The following CYFIP2 variants were observed in gnomAD, a reference collection of about 807,000 sequenced individuals.
CYFIP2 encodes the protein cytoplasmic FMR1 interacting protein 2, also known as cytoplasmic FMR1-interacting protein 2.
CYFIP2 carries 29 observed loss-of-function variants against 158.7 expected under a neutral mutation model. That is an observed-to-expected ratio of 0.18 (90% CI 0.14 to 0.25). The LOEUF is 0.25. Among genes scored for constraint, CYFIP2 ranks in the 10% least tolerant of loss-of-function variants. CYFIP2 has a pLI of 1.00. For missense variants in CYFIP2, 852 were observed against 1,639.5 expected, an observed-to-expected ratio of 0.52 and a Z score of 8.29; for synonymous variants, 585 against 617.6, an observed-to-expected ratio of 0.95 and a Z score of 0.78.
At chr5:157,313,001 T>C (rs1759865549) in intron 11 of CYFIP2, among the ~76,000 whole-genome samples, 1 of 152,240 alleles carries the variant, frequency 6.6e-6, no homozygotes, top group Admixed American at 6.5e-5. Context: ...CATCAGCCGC[T>C]GCACCCAGCC....
At chr5:157,367,772 T>TTTTA (rs748476018) in intron 26 of CYFIP2, among the ~76,000 whole-genome samples, 1 of 148,834 alleles carries the variant, frequency 6.7e-6, no homozygotes, top group Non-Finnish European at 1.5e-5. Context: ...TTTTTTTTTT[T>TTTTA]AAGACAGAGT....
intron 15 of CYFIP2, chr5:157,323,032 G>A: frequency 1.3e-6 from 2 of 1,535,974 alleles, no homozygotes; most frequent in Non-Finnish European, 1.7e-6. Flanking sequence ...ACACCGCCTG[G>A]CTGGGTTGGT....
intron 19 of CYFIP2, among the ~76,000 whole-genome samples, chr5:157,328,350 A>ATTC (rs1176937740): frequency 6.6e-6 from 1 of 152,166 alleles, no homozygotes; most frequent in African/African-American, 2.4e-5. Context: ...CGATGGTTAA[A>ATTC]CCTTTGGGGG....
intron 28 of CYFIP2, among the ~76,000 whole-genome samples, chr5:157,386,395 A>C (rs145193854): frequency 3.3e-5 from 5 of 149,372 alleles, no homozygotes; most frequent in African/African-American, 1.2e-4. Flanking sequence ...TTTTTTTTTT[A>C]TTTTTATAGA....
chr5:157,271,938 A>G (rs1416299506), intron 1 of CYFIP2, among the ~76,000 whole-genome samples: 3 of 152,078 alleles, frequency 2.0e-5, no homozygotes, highest in African/African-American at 7.2e-5. Context: ...TGTTCCTCAT[A>G]TGACAGCCCC....
At position 157,390,512 on chromosome 5, in the gene CYFIP2, T is replaced by TG. The variant is rs766070455; in HGVS notation, c.3447-8dup. The TG allele has an allele frequency of 3.1e-6, 4 of 1,298,242 alleles. No homozygotes were observed. In the South Asian group the frequency reaches 3.7e-5, roughly 12 times the overall value. The allele number at this position is 1,298,242 out of a possible 1,614,324, so 80.4% of individuals were successfully genotyped here. On this transcript the variant is annotated splice_polypyrimidine_tract_variant and intron_variant, in intron 29 of 30. Coordinates refer to ENST00000620254, the MANE Select transcript of CYFIP2 (RefSeq NM_001037333.3). ...TCTCACTCCAGCTGCTTCCTCCCCC[T>TG]GCTCCCAGGCAGTGTTTCGGCGATG...
intron 23 of CYFIP2, among the ~76,000 whole-genome samples, chr5:157,350,890 A>G (rs1249812034): frequency 1.3e-5 from 2 of 152,014 alleles, no homozygotes; most frequent in African/African-American, 2.4e-5. Flanking sequence ...TTTTGCAGCT[A>G]TTGTGAAAGG....
intron 15 of CYFIP2, among the ~76,000 whole-genome samples, chr5:157,321,862 C>T (rs1287565415): frequency 6.6e-6 from 1 of 152,218 alleles, no homozygotes; most frequent in Non-Finnish European, 1.5e-5. Flanking sequence ...AAGGAAGCGT[C>T]TGCAAACAGT....
chr5:157,276,420 G>A (rs945022298), intron 1 of CYFIP2, among the ~76,000 whole-genome samples: 10 of 152,088 alleles, frequency 6.6e-5, no homozygotes, highest in African/African-American at 9.7e-5. Context: ...AGCTTATTAC[G>A]TTAATTGATA....
chr5:157,291,555 G>A (rs903266975), intron 3 of CYFIP2, among the ~76,000 whole-genome samples: 2 of 152,184 alleles, frequency 1.3e-5, no homozygotes, highest in Non-Finnish European at 2.9e-5. Flanking sequence ...AACACCCGTC[G>A]GCAGGCAGGT....
chr5:157,340,556 G>A (rs1762175530), intron 22 of CYFIP2, among the ~76,000 whole-genome samples: 1 of 152,216 alleles, frequency 6.6e-6, no homozygotes, highest in South Asian at 2.1e-4. Context: ...TTGGTGACAA[G>A]TGAAAATGAT....
intron 23 of CYFIP2, chr5:157,342,007 C>T (rs1017749528): frequency 6.6e-6 from 1 of 152,578 alleles, no homozygotes; most frequent in African/African-American, 2.4e-5. Flanking sequence ...AAACCTTATG[C>T]TATATCAAGG....
rs1201773143 is a variant in CYFIP2 at position 157,285,343 on chromosome 5, G to T, written c.-19G>T. On this transcript the variant is annotated 5_prime_UTR_variant, in exon 2 of 31. Coordinates refer to ENST00000620254, the MANE Select transcript of CYFIP2 (RefSeq NM_001037333.3). ...CCTTCTCTTCCTTCCCTTCAGTGCAGAATACAGAAACTGCAGCCATGACCA... is the reference window on the plus strand; with the variant it reads ...CCTTCTCTTCCTTCCCTTCAGTGCATAATACAGAAACTGCAGCCATGACCA... 5.8e-6 allele frequency: 9 copies of T among 1,552,274 alleles called. No homozygotes were observed. The Admixed American group carries it at 1.8e-4, about 30-fold the overall frequency.
intron 26 of CYFIP2, among the ~76,000 whole-genome samples, chr5:157,379,390 GAC>G (rs1201579330): frequency 2.6e-5 from 4 of 151,778 alleles, no homozygotes; most frequent in Non-Finnish European, 5.9e-5. Context: ...TTCCTTAAGA[GAC>G]ACAAACCGCC....
At chr5:157,358,717 G>A (rs2113351001) in intron 23 of CYFIP2, among the ~76,000 whole-genome samples, 1 of 152,254 alleles carries the variant, frequency 6.6e-6, no homozygotes, top group South Asian at 2.1e-4. Context: ...GTTTGGGTGT[G>A]GAACGTCATG....
At chr5:157,293,484 G>A (rs1757999680) in intron 3 of CYFIP2, among the ~76,000 whole-genome samples, 1 of 152,028 alleles carries the variant, frequency 6.6e-6, no homozygotes, top group Admixed American at 6.6e-5. Context: ...CATCTGCTCT[G>A]CTTATTATTA....
Position 157,356,102 on chromosome 5 carries a change from T to C in CYFIP2, c.2674-2903T>C, listed in dbSNP as rs141079369. 1.6e-4 allele frequency among the ~76,000 whole-genome samples: 24 copies of C among 152,342 alleles called. No homozygotes were observed. In the East Asian group the frequency reaches 3.9e-3, roughly 24 times the overall value. ...TCAGCCTGCTATAACAAGAATACCATAAGCTGAGTGACTTGAATAACAAAC... is the reference window on the plus strand; with the variant it reads ...TCAGCCTGCTATAACAAGAATACCACAAGCTGAGTGACTTGAATAACAAAC... On this transcript the variant is annotated intron_variant, in intron 23 of 30. Coordinates refer to ENST00000620254, the MANE Select transcript of CYFIP2 (RefSeq NM_001037333.3).
chr5:157,315,198 C>CGTGCTCTTCCCTG, intron 13 of CYFIP2, 104 bp downstream of exon 13: 1 of 1,465,650 alleles, frequency 6.8e-7, no homozygotes, highest in Non-Finnish European at 9.1e-7. Context: ...CCCTAATTTT[C>CGTGCTCTTCCCTG]GTGCTCTTCC....
At chr5:157,310,366 G>A (rs2113027731) in intron 10 of CYFIP2, among the ~76,000 whole-genome samples, 1 of 152,310 alleles carries the variant, frequency 6.6e-6, no homozygotes, top group African/African-American at 2.4e-5. Context: ...TGGTCTCTGA[G>A]GCTGTTAGGG....
Sources: gnomAD v4.1 joint callset for allele counts (sites outside exome capture counted in the v4.1 genomes callset) on GRCh38, gnomAD v4.1.1 for gene constraint, MANE v1.5 for transcripts, NCBI Gene and HGNC (gene_info 2026-07-23, HGNC 2026-07-21) for gene names.